Variants in GPHN observed in about 807,000 individuals in gnomAD.
GPHN encodes the protein gephyrin.
Under a neutral mutation model 95.5 loss-of-function variants are expected in GPHN, and 17 were observed. The ratio of observed to expected loss-of-function variants is 0.18; its 90% confidence interval spans 0.12 to 0.27. GPHN has a LOEUF of 0.27. Ranked by LOEUF, GPHN falls within the 10% of genes least tolerant of loss-of-function variation. The pLI is 1.00. For synonymous variants in GPHN, 320 were observed against 322.5 expected (o/e 0.99, Z 0.08); for missense variants, 660 against 978.1 (o/e 0.67, Z 4.34).
the GPHN span, chr14:67,384,082 A>G: frequency 6.5e-6 from 1 of 154,710 alleles, no homozygotes; most frequent in African/African-American, 2.4e-5. Context: ...ATGCATTGAA[A>G]GAATTAGATC....
the GPHN span, chr14:67,692,572 C>G: frequency 5.6e-6 from 9 of 1,599,214 alleles, no homozygotes; most frequent in East Asian, 1.8e-4. Context: ...CACATCCCGG[C>G]AAGCTAAATA....
At chr14:66,535,543 C>G (rs1325867969) in intron 1 of GPHN, among the ~76,000 whole-genome samples, 2 of 151,992 alleles carry the variant, frequency 1.3e-5, no homozygotes, top group Non-Finnish European at 2.9e-5. Context: ...GGCTATAGAT[C>G]AATGTGGGGA....
intron 1 of GPHN, among the ~76,000 whole-genome samples, chr14:66,580,688 G>C (rs986312297): frequency 6.6e-6 from 1 of 151,714 alleles, no homozygotes; most frequent in Non-Finnish European, 1.5e-5. Flanking sequence ...GTCATAGACT[G>C]CCCAAAAAAC....
chr14:66,993,034 G>A (rs1471015663), intron 9 of GPHN, among the ~76,000 whole-genome samples: 1 of 152,010 alleles, frequency 6.6e-6, no homozygotes, highest in African/African-American at 2.4e-5. Flanking sequence ...TCAAAATAAC[G>A]TTGACGTAGG....
intron 1 of GPHN, among the ~76,000 whole-genome samples, chr14:66,544,313 C>A (rs979935970): frequency 6.6e-6 from 1 of 152,208 alleles, no homozygotes; most frequent in African/African-American, 2.4e-5. Context: ...TACACCCTTC[C>A]CCTATATACT....
intron 2 of GPHN, among the ~76,000 whole-genome samples, chr14:66,742,067 C>G (rs537579757): frequency 6.6e-6 from 1 of 152,270 alleles, no homozygotes; most frequent in African/African-American, 2.4e-5. Flanking sequence ...GAACGCTCTT[C>G]CTTGACACCA....
chr14:67,293,928 T>C, the GPHN span, among the ~76,000 whole-genome samples: 5 of 151,784 alleles, frequency 3.3e-5, no homozygotes, highest in African/African-American at 7.3e-5. Context: ...ATTGCTCCAA[T>C]TGAAAAAAGC....
At chr14:67,056,873 G>A (rs1051564114) in intron 10 of GPHN, among the ~76,000 whole-genome samples, 5 of 152,324 alleles carry the variant, frequency 3.3e-5, no homozygotes, top group East Asian at 1.9e-4. Flanking sequence ...CAAGGAGGCG[G>A]CTGAGGCCCA....
At chr14:67,500,384 G>C in the GPHN span, among the ~76,000 whole-genome samples, 12 of 152,032 alleles carry the variant, frequency 7.9e-5, no homozygotes, top group African/African-American at 2.9e-4. Context: ...TGAGACAGGA[G>C]AATCTCTTGA....
At chr14:67,340,501 C>T in the GPHN span, 2 of 1,608,922 alleles carry the variant, frequency 1.2e-6, no homozygotes, top group East Asian at 2.2e-5. Flanking sequence ...AGAGTACGTT[C>T]AATCCGGGGA....
chr14:67,383,470 AAC>A, the GPHN span: 2 of 1,610,214 alleles, frequency 1.2e-6, no homozygotes, highest in Non-Finnish European at 1.7e-6. Context: ...CAATTTAAGG[AAC>A]ACAGAGCAGC....
chr14:67,642,213 T>C, the GPHN span: 7 of 1,614,078 alleles, frequency 4.3e-6, no homozygotes, highest in Non-Finnish European at 5.9e-6. Flanking sequence ...TTTGGAGATT[T>C]GAGTTTTACT....
intron 17 of GPHN, chr14:67,142,867 T>C (rs564752095): frequency 3.7e-4 from 74 of 202,062 alleles, no homozygotes; most frequent in African/African-American, 1.3e-3. Context: ...TCCTCTTGAT[T>C]ACAAAGCTCT....
the GPHN span, chr14:67,392,757 A>T: frequency 6.2e-7 from 1 of 1,614,064 alleles, no homozygotes; most frequent in South Asian, 1.1e-5. Context: ...GGCCTGAGGA[A>T]GTTCTCCTCC....
At chr14:66,891,016 G>A (rs1242996968) in intron 5 of GPHN, among the ~76,000 whole-genome samples, 2 of 152,084 alleles carry the variant, frequency 1.3e-5, no homozygotes. Flanking sequence ...TTTAAAATCA[G>A]GAACAAGATG....
At chr14:66,702,035 A>G (rs1439272075) in intron 2 of GPHN, among the ~76,000 whole-genome samples, 2 of 152,200 alleles carry the variant, frequency 1.3e-5, no homozygotes, top group Non-Finnish European at 2.9e-5. Flanking sequence ...GACTGCGGCC[A>G]CAGTGCCTCT....
intron 8 of GPHN, among the ~76,000 whole-genome samples, chr14:66,961,904 A>G (rs1358668748): frequency 1.9e-3 from 109 of 56,734 alleles, no homozygotes; most frequent in East Asian, 3.3e-3. Flanking sequence ...GAATGTGTAT[A>G]TATATATATA....
At chr14:67,281,534 T>A in the GPHN span, among the ~76,000 whole-genome samples, 2 of 152,126 alleles carry the variant, frequency 1.3e-5, no homozygotes. Flanking sequence ...ATTAAAATAT[T>A]CTGAAAATAT....
At chr14:67,491,892 C>T in the GPHN span, among the ~76,000 whole-genome samples, 3 of 152,270 alleles carry the variant, frequency 2.0e-5, no homozygotes, top group South Asian at 6.2e-4. Flanking sequence ...AGGCCCAGGC[C>T]GCGGGGGCCT....
Sources: allele counts gnomAD v4.1 joint callset (sites outside exome capture counted in the v4.1 genomes callset), GRCh38; gene constraint gnomAD v4.1.1; transcripts MANE v1.5; gene names NCBI Gene and HGNC (gene_info 2026-07-23, HGNC 2026-07-21).